The following NKAIN2 variants were observed in gnomAD, a reference collection of about 807,000 sequenced individuals.
NKAIN2 encodes sodium/potassium transporting ATPase interacting 2.
Under a neutral mutation model 32.6 loss-of-function variants are expected in NKAIN2, and 14 were observed. The ratio of observed to expected loss-of-function variants is 0.43; its 90% confidence interval spans 0.28 to 0.67. The LOEUF (loss-of-function observed/expected upper bound fraction) is 0.67. Among genes scored for constraint, NKAIN2 ranks in the 30% least tolerant of loss-of-function variants. The pLI, the probability that NKAIN2 is intolerant of heterozygous loss-of-function variation, is 0.17. For synonymous variants in NKAIN2, 80 were observed against 87.2 expected, an observed-to-expected ratio of 0.92 and a Z score of 0.46; for missense variants, 198 against 258.3, an observed-to-expected ratio of 0.77 and a Z score of 1.60.
At position 123,955,005 on chromosome 6, in the gene NKAIN2, G is replaced by T. The variant is rs572489298; in HGVS notation, c.54+150751G>T. ...GGGGTAAAGCACAGAAGGGGAGGAG[G>T]GGAGAAGGGGATGGGTAGGTAAAAA... On this transcript the variant is annotated intron_variant, in intron 1 of 6. Coordinates refer to ENST00000368417, the MANE Select transcript of NKAIN2 (RefSeq NM_001040214.3). Among the ~76,000 whole-genome samples, 6 of 152,052 alleles carry T rather than the reference G, an allele frequency of 3.9e-5. No homozygotes were observed. In the South Asian group the frequency reaches 1.2e-3, roughly 32 times the overall value.
chr6:124,736,015 G>A (rs1008414162), intron 4 of NKAIN2, among the ~76,000 whole-genome samples: 1 of 151,868 alleles, frequency 6.6e-6, no homozygotes, highest in Non-Finnish European at 1.5e-5. Flanking sequence ...AAGAAGGCAT[G>A]CCAAAAGTCA....
At chr6:124,523,004 G>T (rs1016916272) in intron 3 of NKAIN2, among the ~76,000 whole-genome samples, 1 of 139,070 alleles carries the variant, frequency 7.2e-6, no homozygotes, top group Non-Finnish European at 1.6e-5. Context: ...TTAGCCGGGC[G>T]TAGTGGCGGG....
At position 124,034,369 on chromosome 6, in the gene NKAIN2, G is replaced by A. The variant is rs187248851; in HGVS notation, c.54+230115G>A. On this transcript the variant is annotated intron_variant, in intron 1 of 6. Transcript: ENST00000368417. ...TTCCACTTATAAGTGAGAACATGTG[G>A]TATTTGATTTTCTGCTTCAGTGATA... Among the ~76,000 whole-genome samples, 30 of 152,094 alleles carry A rather than the reference G, an allele frequency of 2.0e-4. 1 individual carries two copies. Among genetic ancestry groups the A allele is most frequent in the Admixed American group, 1.8e-3 (28 of 15,234 alleles).
At chr6:124,654,774 G>A (rs1004012646) in intron 3 of NKAIN2, among the ~76,000 whole-genome samples, 5 of 152,144 alleles carry the variant, frequency 3.3e-5, no homozygotes, top group African/African-American at 1.2e-4. Context: ...GCAGAGATTA[G>A]GGTGATGGTT....
At chr6:124,427,806 A>G (rs1247363456) in intron 3 of NKAIN2, among the ~76,000 whole-genome samples, 1 of 152,062 alleles carries the variant, frequency 6.6e-6, no homozygotes, top group African/African-American at 2.4e-5. Context: ...ATGGAAGTCT[A>G]TTTCTTCTTT....
intron 1 of NKAIN2, among the ~76,000 whole-genome samples, chr6:124,195,514 G>T (rs1345201934): frequency 6.6e-6 from 1 of 152,014 alleles, no homozygotes; most frequent in Non-Finnish European, 1.5e-5. Context: ...TATATTTTTT[G>T]AAAGGAATGC....
intron 1 of NKAIN2, among the ~76,000 whole-genome samples, chr6:124,224,855 G>A (rs753471542): frequency 6.6e-6 from 1 of 152,012 alleles, no homozygotes; most frequent in Non-Finnish European, 1.5e-5. Flanking sequence ...TGCTCATGAC[G>A]ACTGGGTGTA....
intron 1 of NKAIN2, among the ~76,000 whole-genome samples, chr6:124,256,091 G>C (rs1793917143): frequency 1.3e-5 from 2 of 152,140 alleles, no homozygotes; most frequent in African/African-American, 4.8e-5. Flanking sequence ...TAACGTGTTA[G>C]TCTATTCTCA....
At chr6:124,223,082 G>A (rs754450307) in intron 1 of NKAIN2, among the ~76,000 whole-genome samples, 2 of 151,630 alleles carry the variant, frequency 1.3e-5, no homozygotes, top group African/African-American at 4.8e-5. Flanking sequence ...GCATGGTGGC[G>A]GGCACCTGTA....
At chr6:124,080,652 G>A (rs1783919141) in intron 1 of NKAIN2, among the ~76,000 whole-genome samples, 1 of 152,050 alleles carries the variant, frequency 6.6e-6, no homozygotes, top group African/African-American at 2.4e-5. Context: ...AAAATAAACT[G>A]AGGATAATTA....
At chr6:124,436,291 G>T (rs1025273808) in intron 3 of NKAIN2, among the ~76,000 whole-genome samples, 4 of 152,122 alleles carry the variant, frequency 2.6e-5, no homozygotes, top group African/African-American at 9.7e-5. Context: ...TATTAGCTCA[G>T]ATGCCTTTCT....
At chr6:124,059,512 C>T (rs1782824075) in intron 1 of NKAIN2, among the ~76,000 whole-genome samples, 1 of 152,150 alleles carries the variant, frequency 6.6e-6, no homozygotes, top group Non-Finnish European at 1.5e-5. Flanking sequence ...TTAGAACTGT[C>T]GCTCTCAGAA....
chr6:124,388,602 T>G (rs1380207166), intron 3 of NKAIN2, among the ~76,000 whole-genome samples: 1 of 151,900 alleles, frequency 6.6e-6, no homozygotes, highest in Admixed American at 6.6e-5. Flanking sequence ...CAATTTTCAT[T>G]ATTTGAGGGT....
Position 124,014,969 on chromosome 6 carries a change from TACAC to T in NKAIN2, c.54+210718_54+210721del, listed in dbSNP as rs1253801457. ...TGATATAGTTTTATACATACACTCT[TACAC>T]ACTGTCTCTGATTAGTTTTTATGAT... On this transcript the variant is annotated intron_variant, in intron 1 of 6. Transcript: ENST00000368417. Among the ~76,000 whole-genome samples the T allele has an allele frequency of 3.9e-5, 6 of 152,190 alleles. No individual in the cohort carries two copies. The South Asian group carries it at 1.0e-3, about 26-fold the overall frequency.
chr6:124,314,233 TA>T (rs1796843116), intron 2 of NKAIN2, among the ~76,000 whole-genome samples: 1 of 152,026 alleles, frequency 6.6e-6, no homozygotes, highest in Non-Finnish European at 1.5e-5. Context: ...ACACAGAAAC[TA>T]AAGAAAGTCA....
At chr6:124,564,630 G>A (rs768931950) in intron 3 of NKAIN2, among the ~76,000 whole-genome samples, 6 of 152,124 alleles carry the variant, frequency 3.9e-5, no homozygotes, top group Admixed American at 2.0e-4. Flanking sequence ...CACTCACCGC[G>A]AAGGTCTGCA....
At chr6:124,344,150 A>G (rs911830965) in intron 2 of NKAIN2, among the ~76,000 whole-genome samples, 9 of 151,960 alleles carry the variant, frequency 5.9e-5, no homozygotes, top group African/African-American at 1.2e-4. Context: ...GTAGATATGC[A>G]GCATTATTTC....
rs1192909972 is a variant in NKAIN2, at chr6:123,964,355, A to T, written c.54+160101A>T. Among the ~76,000 whole-genome samples the T allele has an allele frequency of 6.6e-6, 1 of 152,086 alleles. No individual in the cohort carries two copies. Among genetic ancestry groups the T allele is most frequent in the Non-Finnish European group, 1.5e-5 (1 of 68,020 alleles). ...AACCTCCTCTAGTTTCATTAAATTT[A>T]ATTAGTATCAATTGCCAGTGTCAGC... On this transcript the variant is annotated intron_variant, in intron 1 of 6. Transcript: ENST00000368417. The surrounding 1 kb of genome is among the most constrained non-coding windows in gnomAD (Gnocchi z 4.0).
At chr6:124,275,824 AAT>A (rs1039309347) in intron 1 of NKAIN2, among the ~76,000 whole-genome samples, 2 of 142,746 alleles carry the variant, frequency 1.4e-5, no homozygotes, top group Non-Finnish European at 3.0e-5. Flanking sequence ...TGAAATATAA[AAT>A]AATTAATAAT....
Sources: gnomAD v4.1 joint callset for allele counts (sites outside exome capture counted in the v4.1 genomes callset) on GRCh38, gnomAD v4.1.1 for gene constraint, Gnocchi (gnomAD v3.1) non-coding constraint, MANE v1.5 for transcripts, NCBI Gene and HGNC (gene_info 2026-07-23, HGNC 2026-07-21) for gene names.